The following TOX2 variants were observed in gnomAD, a reference collection of about 807,000 sequenced individuals.
The protein encoded by TOX2 is granulosa cell HMG box 1.
In TOX2, 15 loss-of-function variants were observed where a neutral mutation model predicts 47.4. The ratio of observed to expected loss-of-function variants is 0.32; its 90% CI spans 0.21 to 0.49. TOX2 has a LOEUF of 0.49. TOX2 is among the 20% of genes least tolerant of loss of function. The probability of loss-of-function intolerance (pLI) is 0.99; values close to 1 mark genes in which losing one functional copy is unlikely to be tolerated. For synonymous variants in TOX2, 290 were observed against 296.6 expected, an observed-to-expected ratio of 0.98 and a Z score of 0.23; for missense variants, 622 against 673.1, an observed-to-expected ratio of 0.92 and a Z score of 0.84.
At chr20:43,930,336 A>T (rs902132939) in intron 1 of TOX2, among the ~76,000 whole-genome samples, 1 of 152,210 alleles carries the variant, frequency 6.6e-6, no homozygotes, top group African/African-American at 2.4e-5. Flanking sequence ...TGTGAGGGAC[A>T]CAGTGTTTGG....
intron 3 of TOX2, among the ~76,000 whole-genome samples, chr20:44,034,184 C>T (rs1046599676): frequency 3.3e-5 from 5 of 152,218 alleles, no homozygotes; most frequent in South Asian, 4.1e-4. Context: ...CGTTCTTGCT[C>T]CTGGTACACC....
chr20:43,953,664 C>T (rs962589689), intron 1 of TOX2, among the ~76,000 whole-genome samples: 3 of 152,014 alleles, frequency 2.0e-5, no homozygotes, highest in Non-Finnish European at 4.4e-5. Context: ...AGAGTAGAGG[C>T]CCTGTGGAAG....
chr20:43,989,577 C>T (rs926654642), intron 2 of TOX2, among the ~76,000 whole-genome samples: 5 of 152,018 alleles, frequency 3.3e-5, no homozygotes, highest in Admixed American at 2.6e-4. Context: ...GTCAGGAGTT[C>T]GAGACCAGCC....
intron 5 of TOX2, among the ~76,000 whole-genome samples, chr20:44,055,093 A>C (rs2071594633): frequency 6.6e-6 from 1 of 152,106 alleles, no homozygotes; most frequent in African/African-American, 2.4e-5. Context: ...GAATCCTTAC[A>C]ACACCCTGTG....
intron 2 of TOX2, among the ~76,000 whole-genome samples, chr20:44,004,067 A>G (rs2070635086): frequency 6.6e-6 from 1 of 152,148 alleles, no homozygotes; most frequent in Non-Finnish European, 1.5e-5. Flanking sequence ...AACAGATTTT[A>G]AAGATATTTT....
Position 44,066,053 on chromosome 20 carries a change from C to A in TOX2, c.1302C>A (p.Thr434=). The change falls in exon 7 of 9, where the codon ACC becomes ACA. Residue 434 remains threonine, a synonymous_variant. Coordinates refer to ENST00000341197, the MANE Select transcript of TOX2 (RefSeq NM_001098797.2). ...SPAPQPPVLP[T]PMALQVQLAM... ...CCCCCCAGCCCCCTGTCCTGCCCAC[C>A]CCCATGGCACTCCAGGTGCAGCTGG... 1 of 1,583,624 alleles carries A rather than the reference C, an allele frequency of 6.3e-7. No homozygotes were observed. The highest frequency in any genetic ancestry group is 1.2e-5 in the South Asian group (1 of 86,120).
At position 44,066,051 on chromosome 20, in the gene TOX2, A is replaced by G. The variant is rs1600807399; in HGVS notation, c.1300A>G (p.Thr434Ala). ...AGCCCCCCAGCCCCCTGTCCTGCCC[A>G]CCCCCATGGCACTCCAGGTGCAGCT... ...SPAPQPPVLPTPMALQVQLAM... is the reference protein window; with the variant it reads ...SPAPQPPVLPAPMALQVQLAM... The change falls in exon 7 of 9, where the codon ACC becomes GCC. Residue 434 changes from threonine (T) to alanine (A), a missense_variant. Transcript: ENST00000341197. 6.4e-7 allele frequency: 1 copy of G among 1,569,834 alleles called. No individual in the cohort carries two copies. The highest frequency in any genetic ancestry group is 1.4e-5 in the African/African-American group (1 of 72,100).
intron 1 of TOX2, among the ~76,000 whole-genome samples, chr20:43,961,355 G>A (rs1225864238): frequency 2.0e-5 from 3 of 152,176 alleles, no homozygotes; most frequent in African/African-American, 7.2e-5. Flanking sequence ...GTGGGAGGCA[G>A]CCTGGACTGT....
intron 1 of TOX2, among the ~76,000 whole-genome samples, chr20:43,931,369 A>G (rs895431946): frequency 6.6e-6 from 1 of 152,224 alleles, no homozygotes; most frequent in Non-Finnish European, 1.5e-5. Flanking sequence ...TCCTGGGCTC[A>G]AGCGATCCTC....
At chr20:43,921,646 T>C (rs2069113704) in intron 1 of TOX2, among the ~76,000 whole-genome samples, 1 of 151,906 alleles carries the variant, frequency 6.6e-6, no homozygotes, top group African/African-American at 2.4e-5. Context: ...TGCCCCGCCA[T>C]GTTCTTCTTC....
chr20:43,973,320 T>C, intron 1 of TOX2, 47 bp from the exon 2 acceptor site: 1 of 1,596,102 alleles, frequency 6.3e-7, no homozygotes, highest in Non-Finnish European at 8.6e-7. Flanking sequence ...GGTGCCTTCC[T>C]GAGAGCATTT....
chr20:43,917,680 A>G (rs2069073014), intron 1 of TOX2, among the ~76,000 whole-genome samples: 1 of 152,206 alleles, frequency 6.6e-6, no homozygotes, highest in African/African-American at 2.4e-5. Context: ...AGCCTCTTTA[A>G]ACCAAAGTCA....
chr20:44,006,850 G>A, intron 3 of TOX2, 58 bp downstream of exon 3: 2 of 1,565,050 alleles, frequency 1.3e-6, no homozygotes, highest in Non-Finnish European at 8.6e-7. Flanking sequence ...GGGGTTGAGA[G>A]GGAAGCAGAA....
At chr20:44,051,883 T>C (rs939965654) in intron 4 of TOX2, among the ~76,000 whole-genome samples, 1 of 152,124 alleles carries the variant, frequency 6.6e-6, no homozygotes, top group African/African-American at 2.4e-5. Context: ...CTTGACAAGC[T>C]GTGTTCCCTC....
At chr20:43,952,664 G>A (rs1455332995) in intron 1 of TOX2, among the ~76,000 whole-genome samples, 1 of 152,200 alleles carries the variant, frequency 6.6e-6, no homozygotes, top group Non-Finnish European at 1.5e-5. Flanking sequence ...GGTAAGGGGA[G>A]CCTGAGGTGT....
chr20:43,973,329 T>C, intron 1 of TOX2, 38 bp from the exon 2 acceptor site: 1 of 1,607,674 alleles, frequency 6.2e-7, no homozygotes, highest in East Asian at 2.2e-5. Context: ...CTGAGAGCAT[T>C]TTAATCAGAG....
At chr20:43,962,368 G>A (rs1041172662) in intron 1 of TOX2, among the ~76,000 whole-genome samples, 9 of 152,320 alleles carry the variant, frequency 5.9e-5, no homozygotes, top group Non-Finnish European at 7.3e-5. Flanking sequence ...GTTCCTGCCT[G>A]CAGCTTATGA....
intron 3 of TOX2, among the ~76,000 whole-genome samples, chr20:44,008,133 A>T (rs745347711): frequency 2.0e-5 from 3 of 152,078 alleles, no homozygotes; most frequent in Non-Finnish European, 4.4e-5. Flanking sequence ...TGGGAATAGC[A>T]TGTGGTTCAT....
chr20:43,923,544 A>G (rs2069133422), intron 1 of TOX2, among the ~76,000 whole-genome samples: 1 of 152,178 alleles, frequency 6.6e-6, no homozygotes, highest in Admixed American at 6.5e-5. Flanking sequence ...TCTGGGATCC[A>G]CACTTAGAGA....
Sources: gnomAD v4.1 joint callset for allele counts (sites outside exome capture counted in the v4.1 genomes callset) on GRCh38, gnomAD v4.1.1 for gene constraint, MANE v1.5 for transcripts, NCBI Gene and HGNC (gene_info 2026-07-23, HGNC 2026-07-21) for gene names.